The following RABGAP1 variants were observed in gnomAD, a reference collection of about 807,000 sequenced individuals.
The protein encoded by RABGAP1 is RAB GTPase activating protein 1.
In RABGAP1, 23 loss-of-function variants were observed where a neutral mutation model predicts 137.6. The observed-to-expected ratio is 0.17, with a 90% confidence interval of 0.12 to 0.24. RABGAP1 has a LOEUF of 0.24. Ranked by LOEUF, RABGAP1 falls within the 10% of genes least tolerant of loss-of-function variation. The pLI, the probability that RABGAP1 is intolerant of heterozygous loss-of-function variation, is 1.00. For synonymous variants in RABGAP1, 451 were observed against 450.7 expected, an observed-to-expected ratio of 1.00 and a Z score of -0.01; for missense variants, 906 against 1,275.8, an observed-to-expected ratio of 0.71 and a Z score of 4.42.
intron 2 of RABGAP1, among the ~76,000 whole-genome samples, chr9:122,983,235 A>G (rs1836182316): frequency 6.6e-6 from 1 of 152,134 alleles, no homozygotes; most frequent in African/African-American, 2.4e-5. Context: ...GCACTTGTGT[A>G]TGTGTAGAAT....
Position 122,942,828 on chromosome 9 carries a change from A to G in RABGAP1, c.-50+1735A>G, listed in dbSNP as rs781561966. Among the ~76,000 whole-genome samples the G allele has an allele frequency of 4.9e-4, 74 of 152,058 alleles. 1 individual carries two copies. Among genetic ancestry groups the G allele is most frequent in the Admixed American group, 3.9e-4 (6 of 15,264 alleles). On this transcript the variant is annotated intron_variant, in intron 1 of 25. Transcript: ENST00000373647. ...AATTCATATGTAATTTTAATTCAAG[A>G]TATTAACTCAGATTCATAATTAAAG...
At chr9:123,005,494 TA>T (rs1179311023) in intron 10 of RABGAP1, among the ~76,000 whole-genome samples, 3 of 152,234 alleles carry the variant, frequency 2.0e-5, no homozygotes, top group Non-Finnish European at 4.4e-5. Flanking sequence ...CCTTCTGAAA[TA>T]AAAATTAGCA....
rs375872163 is a variant in RABGAP1 at position 123,097,823 on chromosome 9, G to A, written c.2711G>A (p.Arg904Gln). 88 of 1,613,488 alleles carry A rather than the reference G, an allele frequency of 5.5e-5. No homozygotes were observed. The highest frequency in any genetic ancestry group is 9.9e-5 in the South Asian group (9 of 90,950). ...KLIDAEEEKR[R>Q]LEEESAQLKE... is the part of the protein sequence containing the mutation. The stretch of plus-strand genomic sequence containing the variant: ...ATTGATGCAGAAGAAGAGAAAAGAC[G>A]GCTGGAAGAAGAGTCTGCTCAGGTA... The change falls in exon 22 of 26, where the codon CGG (arginine) becomes CAG (glutamine). Residue 904 changes from arginine (R) to glutamine (Q), a missense_variant. Arg to Gln is a conservative substitution (Grantham distance 43). Around this residue, in one of 9 missense-constraint regions of RABGAP1, gnomAD observed 193 missense variants for 248.1 expected, o/e 0.78. Transcript: ENST00000373647.
Position 123,020,333 on chromosome 9 carries a change from G to A in RABGAP1, c.1668G>A (p.Pro556=), listed in dbSNP as rs933475. Residue 556 remains proline (P), a synonymous_variant, in exon 13 of 26, where the codon CCG becomes CCA. Transcript: ENST00000373647. ...GGCATCTCAACTTGAATGTGAGACC[G>A]AAGCAGTTGTCATCCTTAGTAAGAA... is the stretch of plus-strand genomic sequence containing the variant. ...SKWHLNLNVR[P]KQLSSLVRNG... 1.5e-5 allele frequency: 24 copies of A among 1,583,264 alleles called. No individual in the cohort carries two copies. The East Asian group carries it at 2.1e-4, about 14-fold the overall frequency.
chr9:123,071,828 T>G (rs148414453), intron 15 of RABGAP1, among the ~76,000 whole-genome samples: 25 of 152,154 alleles, frequency 1.6e-4, no homozygotes, highest in African/African-American at 6.0e-4. Flanking sequence ...AATGGGAAAG[T>G]GAATGGTACA....
At chr9:122,945,296 G>A (rs187017454) in intron 1 of RABGAP1, 6 of 151,814 alleles carry the variant, frequency 4.0e-5, no homozygotes, top group African/African-American at 4.8e-5. Context: ...AACCATTCAC[G>A]TTGACCCTAA....
At chr9:122,990,372 A>T (rs759357147) in intron 6 of RABGAP1, 159 bp downstream of exon 6, 17 of 548,648 alleles carry the variant, frequency 3.1e-5, no homozygotes, top group Non-Finnish European at 4.3e-5. Context: ...AATTTAACAG[A>T]GGCAAAGTTT....
chr9:123,020,277 T>A, intron 12 of RABGAP1, 32 bp from the exon 13 acceptor site: 1 of 1,433,876 alleles, frequency 7.0e-7, no homozygotes, highest in African/African-American at 1.4e-5. Context: ...TATCTTCCTT[T>A]TATGATTTAT....
At chr9:122,989,562 A>G in intron 5 of RABGAP1, 91 bp downstream of exon 5, 2 of 1,329,996 alleles carry the variant, frequency 1.5e-6, no homozygotes, top group Non-Finnish European at 2.1e-6. Context: ...ATGATCACTC[A>G]TAAGCCAGAT....
chr9:123,102,763 G>A (rs1347548337), intron 25 of RABGAP1, among the ~76,000 whole-genome samples: 2 of 152,116 alleles, frequency 1.3e-5, no homozygotes, highest in South Asian at 4.1e-4. Context: ...GCCATGCTAG[G>A]GAGTTTAAAG....
In RABGAP1 at chr9:123,090,370, G is replaced by C. The variant is rs776097442; in HGVS notation, c.2613G>C (p.Arg871=). The C allele has an allele frequency of 9.9e-6, 16 of 1,611,146 alleles. 1 individual carries two copies. Among genetic ancestry groups the C allele is most frequent in the Admixed American group, 6.7e-5 (4 of 59,830 alleles). The part of the protein sequence containing the change: ...HELVTSKIAL[R]KDLDNAEEKA... ...TGGTGACCAGCAAGATTGCACTACG[G>C]AAGGACCTGGATAACGTAAGTCCAA... is the stretch of plus-strand genomic sequence containing the variant. The change falls in exon 21 of 26, where the codon CGG becomes CGC. Residue 871 remains arginine, a synonymous_variant. Transcript: ENST00000373647.
At chr9:123,043,187 A>G (rs2033035199) in intron 13 of RABGAP1, among the ~76,000 whole-genome samples, 1 of 152,206 alleles carries the variant, frequency 6.6e-6, no homozygotes, top group South Asian at 2.1e-4. Context: ...CTTCTCCAGA[A>G]TGAGGGAGGA....
At chr9:122,984,742 C>T (rs372271830) in intron 3 of RABGAP1, 23 bp downstream of exon 3, 137 of 1,598,478 alleles carry the variant, frequency 8.6e-5, no homozygotes, top group Middle Eastern at 1.7e-4. Context: ...GCATTGCTTG[C>T]GTAACTGAAG....
rs551951370 is a variant in RABGAP1, at chr9:123,049,907, G to T, written c.1795-15441G>T. On this transcript the variant is annotated intron_variant, in intron 13 of 25. Transcript: ENST00000373647. ...ACTGTGAGGCAGGGACCATTGCATA[G>T]ATTTTATAGATAGGTTTGTTAAGGT... Among the ~76,000 whole-genome samples, 18 of 152,330 alleles carry T rather than the reference G, an allele frequency of 1.2e-4. No homozygotes were observed. The South Asian group carries it at 3.7e-3, about 32-fold the overall frequency.
At chr9:123,057,570 T>G (rs1421865802) in intron 13 of RABGAP1, among the ~76,000 whole-genome samples, 1 of 128,488 alleles carries the variant, frequency 7.8e-6, no homozygotes, top group African/African-American at 3.0e-5. Flanking sequence ...CTTTCCAGAC[T>G]GGGCAGCCAG....
At chr9:122,943,072 C>CTTT (rs10582436) in intron 1 of RABGAP1, among the ~76,000 whole-genome samples, 14 of 116,168 alleles carry the variant, frequency 1.2e-4, no homozygotes, top group African/African-American at 5.5e-4. Flanking sequence ...GGTGCACTTT[C>CTTT]TTTTTTTTTT....
chr9:123,069,832 C>T (rs560669156), intron 14 of RABGAP1, among the ~76,000 whole-genome samples: 3 of 152,176 alleles, frequency 2.0e-5, no homozygotes, highest in Admixed American at 6.5e-5. Flanking sequence ...TGCAGTGAGC[C>T]ATGATTGTAC....
chr9:123,020,925 A>C, intron 13 of RABGAP1: 2 of 908,580 alleles, frequency 2.2e-6, no homozygotes, highest in Non-Finnish European at 2.6e-6. Context: ...TCTCATTTGT[A>C]TGGTGTTCCC....
chr9:123,064,565 T>C (rs2034105872), intron 13 of RABGAP1, among the ~76,000 whole-genome samples: 1 of 152,242 alleles, frequency 6.6e-6, no homozygotes, highest in African/African-American at 2.4e-5. Flanking sequence ...TCAACTCTAT[T>C]GTCTTAGCTA....
Sources: allele counts gnomAD v4.1 joint callset (sites outside exome capture counted in the v4.1 genomes callset), GRCh38; gene constraint gnomAD v4.1.1; regional missense constraint gnomAD v4.1.1; transcripts MANE v1.5; gene names NCBI Gene and HGNC (gene_info 2026-07-23, HGNC 2026-07-21).